UNC13C: variants seen among roughly 807,000 people sequenced by gnomAD.
UNC13C encodes unc-13 homolog C.
UNC13C carries 174 observed loss-of-function variants against 245.4 expected under a neutral mutation model. That is an observed-to-expected ratio of 0.71 (90% confidence interval 0.63 to 0.80). UNC13C has a LOEUF of 0.80. Ranked by LOEUF, UNC13C falls within the 30% of genes least tolerant of loss-of-function variation. The pLI is 0.00. For synonymous variants in UNC13C, 992 were observed against 895.1 expected (o/e 1.11, Z -1.93); for missense variants, 2,829 against 2,602.9 (o/e 1.09, Z -1.89).
At chr15:54,483,242 C>T (rs11635482) in intron 19 of UNC13C, among the ~76,000 whole-genome samples, 62,390 of 151,538 alleles carry the variant, frequency 0.41, 13,064 homozygotes, top group East Asian at 0.62. Flanking sequence ...TTTCAGAGAT[C>T]TGTGTTAACC....
intron 2 of UNC13C, among the ~76,000 whole-genome samples, chr15:54,117,049 C>G (rs1030202693): frequency 6.6e-6 from 1 of 151,826 alleles, no homozygotes; most frequent in African/African-American, 2.4e-5. Context: ...TTTCATATAC[C>G]ATTTGTATGT....
At chr15:53,969,547 A>G in the UNC13C span, among the ~76,000 whole-genome samples, 1 of 152,070 alleles carries the variant, frequency 6.6e-6, no homozygotes, top group East Asian at 1.9e-4. Flanking sequence ...ATAGCCAGGC[A>G]TGGTGGCACA....
the UNC13C span, among the ~76,000 whole-genome samples, chr15:53,890,748 TCTCTC>T: frequency 3.7e-5 from 5 of 134,952 alleles, no homozygotes; most frequent in East Asian, 1.1e-3. Context: ...GTTTGATTCT[TCTCTC>T]TTTTCTTCTT....
At chr15:53,860,754 C>A in the UNC13C span, among the ~76,000 whole-genome samples, 1 of 152,122 alleles carries the variant, frequency 6.6e-6, no homozygotes, top group Non-Finnish European at 1.5e-5. Context: ...AACAGTCTTA[C>A]ATTGTCTTCC....
intron 17 of UNC13C, among the ~76,000 whole-genome samples, chr15:54,366,855 T>G (rs1423561519): frequency 1.3e-5 from 2 of 152,132 alleles, no homozygotes; most frequent in Non-Finnish European, 2.9e-5. Flanking sequence ...ATGCATGGAA[T>G]ACACTCAGTC....
chr15:54,337,536 C>T (rs1423085368), intron 16 of UNC13C, among the ~76,000 whole-genome samples: 1 of 152,138 alleles, frequency 6.6e-6, no homozygotes, highest in East Asian at 1.9e-4. Flanking sequence ...AGCTCTCACA[C>T]CAGTCATCCA....
chr15:54,572,273 T>C (rs1897789224), intron 30 of UNC13C, among the ~76,000 whole-genome samples: 1 of 152,194 alleles, frequency 6.6e-6, no homozygotes, highest in South Asian at 2.1e-4. Context: ...TTCTCTCATG[T>C]GTTCTTAATT....
At chr15:53,981,057 C>T (rs1052260828) in intron 1 of UNC13C, among the ~76,000 whole-genome samples, 5 of 152,120 alleles carry the variant, frequency 3.3e-5, no homozygotes, top group African/African-American at 7.2e-5. Flanking sequence ...GAACGTACTT[C>T]GTTGTCTGCT....
At chr15:53,891,728 T>A in the UNC13C span, among the ~76,000 whole-genome samples, 1 of 152,212 alleles carries the variant, frequency 6.6e-6, no homozygotes, top group Non-Finnish European at 1.5e-5. Context: ...TATTCCTCTG[T>A]CCCTTTATTT....
chr15:53,903,526 G>A, the UNC13C span, among the ~76,000 whole-genome samples: 1 of 152,166 alleles, frequency 6.6e-6, no homozygotes, highest in Non-Finnish European at 1.5e-5. Context: ...GAACTGGATG[G>A]CCACAAGGCC....
chr15:54,449,101 C>A (rs1055507812), intron 19 of UNC13C, among the ~76,000 whole-genome samples: 2 of 151,582 alleles, frequency 1.3e-5, no homozygotes, highest in Non-Finnish European at 3.0e-5. Flanking sequence ...TGAATATTGG[C>A]CCCCACTCTC....
intron 16 of UNC13C, among the ~76,000 whole-genome samples, chr15:54,337,416 A>G (rs1325723195): frequency 6.6e-6 from 1 of 152,122 alleles, no homozygotes; most frequent in African/African-American, 2.4e-5. Context: ...GGCTTCTTAA[A>G]CTGTTCAGAA....
intron 2 of UNC13C, among the ~76,000 whole-genome samples, chr15:54,115,242 G>A (rs2030154553): frequency 6.6e-6 from 1 of 151,954 alleles, no homozygotes; most frequent in Non-Finnish European, 1.5e-5. Context: ...ATGAATTTTA[G>A]AAGACTACAT....
Position 54,015,664 on chromosome 15 carries a change from G to T in UNC13C, c.2761G>T (p.Gly921Cys). ...ETPYETPQDE[G>C]YDGPADDMVS... ...ACCTTATGAAACCCCACAAGATGAG[G>T]GTTATGATGGTCCAGCAGATGATAT... The change falls in exon 2 of 33, where the codon GGT becomes TGT. Residue 921 changes from glycine (G) to cysteine (C), a missense_variant. Physicochemically the swap from Gly to Cys is radical, Grantham distance 159. Transcript: ENST00000260323. The T allele has an allele frequency of 6.2e-7, 1 of 1,613,658 alleles. No individual in the cohort carries two copies. The highest frequency in any genetic ancestry group is 8.5e-7 in the Non-Finnish European group (1 of 1,179,762).
chr15:53,899,957 A>G, the UNC13C span, among the ~76,000 whole-genome samples: 2 of 151,892 alleles, frequency 1.3e-5, no homozygotes, highest in Non-Finnish European at 1.5e-5. Flanking sequence ...TAACTACCCC[A>G]CCCTAGAGAA....
chr15:54,539,214 A>T (rs2141163449), intron 26 of UNC13C, among the ~76,000 whole-genome samples: 1 of 152,106 alleles, frequency 6.6e-6, no homozygotes, highest in East Asian at 1.9e-4. Context: ...CTTACTACAT[A>T]AGTCTAATGT....
intron 7 of UNC13C, among the ~76,000 whole-genome samples, chr15:54,243,010 C>T (rs1237318841): frequency 1.3e-5 from 2 of 152,058 alleles, no homozygotes; most frequent in Non-Finnish European, 2.9e-5. Context: ...TTCTGGGATA[C>T]ATGTGCAGGA....
At chr15:53,973,083 A>G in the UNC13C span, among the ~76,000 whole-genome samples, 20 of 152,304 alleles carry the variant, frequency 1.3e-4, no homozygotes, top group East Asian at 3.9e-3. Flanking sequence ...TATTGAACAC[A>G]TACAGAAAAC....
the UNC13C span, among the ~76,000 whole-genome samples, chr15:53,888,959 A>G: frequency 1.2e-4 from 19 of 152,208 alleles, no homozygotes; most frequent in African/African-American, 3.6e-4. Context: ...GTAGCCTCGT[A>G]GTATTGTTTG....
Sources: allele counts gnomAD v4.1 joint callset (sites outside exome capture counted in the v4.1 genomes callset), GRCh38; gene constraint gnomAD v4.1.1; transcripts MANE v1.5; gene names NCBI Gene and HGNC (gene_info 2026-07-23, HGNC 2026-07-21).